Variants in ARVCF observed in about 807,000 individuals in gnomAD.
ARVCF encodes splicing regulator ARVCF.
A neutral mutation model predicts 90.9 loss-of-function variants in ARVCF; 66 were observed. That is an observed-to-expected ratio of 0.73 (90% confidence interval 0.60 to 0.89). The LOEUF (loss-of-function observed/expected upper bound fraction) is 0.89. Ranked by LOEUF, ARVCF falls within the 40% of genes least tolerant of loss-of-function variation. The pLI is 0.00. For missense variants in ARVCF, 1,469 were observed against 1,382.3 expected (o/e 1.06, Z -1.00); for synonymous variants, 653 against 603.4 (o/e 1.08, Z -1.21).
intron 3 of ARVCF, chr22:19,987,141 C>A: frequency 2.1e-6 from 1 of 479,650 alleles, no homozygotes; most frequent in Non-Finnish European, 3.7e-6. Flanking sequence ...GAGGCGGTGG[C>A]TGGACCAGGC....
intron 5 of ARVCF, 49 bp downstream of exon 5, chr22:19,981,162 G>A (rs985249849): frequency 3.4e-6 from 5 of 1,467,736 alleles, no homozygotes; most frequent in African/African-American, 1.4e-5. Flanking sequence ...GGGGGGTGGA[G>A]GGCAGACTTC....
chr22:19,969,867 G>A (rs929949899), downstream of ARVCF: 5 of 985,326 alleles, frequency 5.1e-6, no homozygotes, highest in African/African-American at 1.7e-5. Context: ...AGCCACTTGT[G>A]CCAGACCTGA....
chr22:19,968,691 G>A (rs202111640), downstream of ARVCF: 14 of 1,613,768 alleles, frequency 8.7e-6, no homozygotes, highest in East Asian at 2.9e-4. Flanking sequence ...TGGACGGCCT[G>A]GAGAAGGCCA....
At chr22:19,998,739 T>C (rs966063792) in intron 2 of ARVCF, among the ~76,000 whole-genome samples, 2 of 152,144 alleles carry the variant, frequency 1.3e-5, no homozygotes, top group Non-Finnish European at 2.9e-5. Context: ...CAGTGCCTGG[T>C]GGGAGATGGG....
intron 2 of ARVCF, among the ~76,000 whole-genome samples, chr22:19,997,880 C>A (rs571453967): frequency 6.6e-6 from 1 of 152,356 alleles, no homozygotes; most frequent in South Asian, 2.1e-4. Context: ...GGGACGGGCA[C>A]CCACCCCGCA....
In ARVCF at chr22:19,974,392, T is replaced by C. The variant is rs1206139929; in HGVS notation, c.1961-153A>G. On this transcript the variant is annotated intron_variant, in intron 11 of 19. Transcript: ENST00000263207. The stretch of plus-strand genomic sequence containing the variant: ...TCACGTAATATTTACTATCAACATA[T>C]AGTCACCCAAGGGGAAAAGCGTTCC... 1.3e-5 allele frequency: 12 copies of C among 916,702 alleles called. No homozygotes were observed. The Admixed American group carries it at 3.7e-4, about 28-fold the overall frequency. 56.8% of individuals were successfully genotyped at this position (916,702 alleles called of 1,614,324 possible).
At chr22:20,004,253 T>C (rs1253580726) in intron 2 of ARVCF, among the ~76,000 whole-genome samples, 2 of 152,194 alleles carry the variant, frequency 1.3e-5, no homozygotes, top group Non-Finnish European at 2.9e-5. Flanking sequence ...CCCATGTTCA[T>C]GGCTGGGAAG....
intron 2 of ARVCF, among the ~76,000 whole-genome samples, chr22:20,006,562 G>C (rs79440454): frequency 0.031 from 3,764 of 121,382 alleles, 71 homozygotes; most frequent in East Asian, 0.076. Context: ...CTGGGCGGTA[G>C]AGCGTGACTC....
In ARVCF at chr22:19,973,738, A is replaced by G; in HGVS notation, c.2144T>C (p.Val715Ala). The change falls in exon 13 of 20, where the codon GTG becomes GCG. Residue 715 changes from valine (V) to alanine (A), a missense_variant. Transcript: ENST00000263207. ...GTCGGTCTCAGACTGCAGCAGTTCC[A>G]CAAGCACCGGCAGCCCGCGCTCTTT... ...VRKERGLPVL[V>A]ELLQSETDKV... 1.2e-6 allele frequency: 2 copies of G among 1,609,214 alleles called. No homozygotes were observed. Among genetic ancestry groups the G allele is most frequent in the South Asian group, 1.1e-5 (1 of 91,082 alleles).
At chr22:20,003,133 G>A (rs1416167087) in intron 2 of ARVCF, among the ~76,000 whole-genome samples, 3 of 152,016 alleles carry the variant, frequency 2.0e-5, no homozygotes, top group Non-Finnish European at 2.9e-5. Flanking sequence ...CAGATGAAAT[G>A]GAAAAATTTC....
In ARVCF at chr22:19,981,582, C is replaced by T. The variant is rs746638996; in HGVS notation, c.525G>A (p.Val175=). 39 of 1,606,270 alleles carry T rather than the reference C, an allele frequency of 2.4e-5. No homozygotes were observed. In the African/African-American group the frequency reaches 4.7e-4, roughly 19 times the overall value. The part of the protein sequence containing the change: ...RHFLLRGGGP[V]ATLSRAYLSS... ...TGAGGTAGGCTCGAGAGAGTGTGGC[C>T]ACTGGGCCACCACCACGCAGCAGGA... is the stretch of plus-strand genomic sequence containing the variant. Residue 175 remains valine (V), a synonymous_variant, in exon 5 of 20, where the codon GTG becomes GTA. Transcript: ENST00000263207.
chr22:20,012,734 C>A (rs1004217462), intron 1 of ARVCF, among the ~76,000 whole-genome samples: 1 of 152,284 alleles, frequency 6.6e-6, no homozygotes, highest in African/African-American at 2.4e-5. Flanking sequence ...CTACACCCCA[C>A]TGATGCCCTA....
Position 19,972,810 on chromosome 22 carries a change from G to A in ARVCF, c.2568C>T (p.Ala856=). The change falls in exon 16 of 20, where the codon GCC becomes GCT. Residue 856 remains alanine, a synonymous_variant. Coordinates refer to ENST00000263207, the MANE Select transcript of ARVCF (RefSeq NM_001670.3). ...GACTCAGTGCTCCCTTAGGCCCCTT[G>A]GCAGTAGCAGCAGCTGACTGAGACA... ...KARFQSAAAT[A]KGPKGALSPG... is the part of the protein sequence containing the mutation. 1 of 1,613,566 alleles carries A rather than the reference G, an allele frequency of 6.2e-7. No individual in the cohort carries two copies. The highest frequency in any genetic ancestry group is 8.5e-7 in the Non-Finnish European group (1 of 1,179,788).
intron 9 of ARVCF, among the ~76,000 whole-genome samples, chr22:19,977,178 C>T (rs953386177): frequency 6.6e-6 from 1 of 152,184 alleles, no homozygotes; most frequent in Non-Finnish European, 1.5e-5. Context: ...GGTTGGTTTC[C>T]CTTGTGTACT....
At chr22:19,974,054 A>G (rs1461765943) in intron 12 of ARVCF, 58 bp downstream of exon 12, 1 of 1,559,472 alleles carries the variant, frequency 6.4e-7, no homozygotes, top group African/African-American at 1.3e-5. Context: ...TGCACCAGTG[A>G]GGTGCCTGGG....
In ARVCF at chr22:20,004,979, G is replaced by C. The variant is rs146794169; in HGVS notation, c.-19+5476C>G. Among the ~76,000 whole-genome samples the C allele has an allele frequency of 1.4e-4, 22 of 152,248 alleles. No homozygotes were observed. The East Asian group carries it at 4.2e-3, about 29-fold the overall frequency. ...GGAAAGTCTTCATGACACTGGATTT[G>C]GCAATGATATCTTAGATAAGATACC... On this transcript the variant is annotated intron_variant, in intron 2 of 19. Transcript: ENST00000263207.
rs768608657 is a variant in ARVCF at position 19,980,255 on chromosome 22, G to A, written c.897-13C>T. On this transcript the variant is annotated splice_polypyrimidine_tract_variant and intron_variant, in intron 5 of 19. Transcript: ENST00000263207. ...GTCCTCGTAGGCCCTGCACAGGCAA[G>A]TGGGGCGCGTGGACATCGTCACAGC... 3.7e-5 allele frequency: 56 copies of A among 1,501,702 alleles called. No individual in the cohort carries two copies. The highest frequency in any genetic ancestry group is 4.8e-5 in the Non-Finnish European group (54 of 1,128,980). 93.0% of individuals were successfully genotyped at this position (1,501,702 alleles called of 1,614,324 possible). A position where few individuals can be genotyped will look rare whatever the true frequency, so the allele number is the denominator to read the frequency against.
At chr22:19,965,153 G>C (rs1012607634), downstream of ARVCF, 1 of 155,366 alleles carries the variant, frequency 6.4e-6, no homozygotes, top group Non-Finnish European at 1.4e-5. Context: ...AAAGGGCAGA[G>C]AATGTTCCAG....
Position 19,981,194 on chromosome 22 carries a change from G to A in ARVCF, c.896+17C>T. The A allele has an allele frequency of 6.6e-7, 1 of 1,511,156 alleles. No individual in the cohort carries two copies. The highest frequency in any genetic ancestry group is 8.9e-7 in the Non-Finnish European group (1 of 1,125,940). 93.6% of individuals were successfully genotyped at this position (1,511,156 alleles called of 1,614,324 possible). On this transcript the variant is annotated intron_variant, in intron 5 of 19. Coordinates refer to ENST00000263207, the MANE Select transcript of ARVCF (RefSeq NM_001670.3). ...CTTCCCAGAGGAGGTAGCCACAGGG[G>A]ACGGGGTGCAGCTCACCTGGTATGA... is the stretch of plus-strand genomic sequence containing the variant.
Sources: allele counts gnomAD v4.1 joint callset (sites outside exome capture counted in the v4.1 genomes callset), GRCh38; gene constraint gnomAD v4.1.1; transcripts MANE v1.5; gene names NCBI Gene and HGNC (gene_info 2026-07-23, HGNC 2026-07-21).